The following ZBTB38 variants were observed in gnomAD, a reference collection of about 807,000 sequenced individuals.
ZBTB38 encodes the protein zinc finger and BTB domain-containing protein 38.
Under a neutral mutation model 76.8 loss-of-function variants are expected in ZBTB38, and 20 were observed. The ratio of observed to expected loss-of-function variants is 0.26; its 90% confidence interval spans 0.18 to 0.38. The LOEUF (loss-of-function observed/expected upper bound fraction) is 0.38. ZBTB38 is among the 10% of genes least tolerant of loss of function. ZBTB38 has a pLI of 1.00. For missense variants in ZBTB38, 1,082 were observed against 1,482.3 expected, an observed-to-expected ratio of 0.73 and a Z score of 4.43; for synonymous variants, 504 against 544.2, an observed-to-expected ratio of 0.93 and a Z score of 1.03.
intron 1 of ZBTB38, among the ~76,000 whole-genome samples, chr3:141,339,200 A>AG (rs1943101805): frequency 6.6e-6 from 1 of 152,184 alleles, no homozygotes; most frequent in African/African-American, 2.4e-5. Flanking sequence ...AAGGCTGACA[A>AG]GGTCATATTG....
intron 5 of ZBTB38, among the ~76,000 whole-genome samples, chr3:141,435,308 G>A (rs1387957433): frequency 6.6e-6 from 1 of 152,038 alleles, no homozygotes; most frequent in Non-Finnish European, 1.5e-5. Context: ...TCTCTCTCAA[G>A]TGTCCTGTTT....
chr3:141,433,382 AC>A (rs1409684084), intron 5 of ZBTB38, among the ~76,000 whole-genome samples: 1 of 149,214 alleles, frequency 6.7e-6, no homozygotes, highest in Non-Finnish European at 1.5e-5. Context: ...TGGTCCCTAG[AC>A]TCCCTTACAC....
intron 2 of ZBTB38, among the ~76,000 whole-genome samples, chr3:141,379,851 A>G (rs1242237425): frequency 6.6e-6 from 1 of 152,248 alleles, no homozygotes; most frequent in Non-Finnish European, 1.5e-5. Context: ...GTTTCAGGTG[A>G]TATTTTGGCC....
At chr3:141,377,647 T>C (rs894281683) in intron 2 of ZBTB38, among the ~76,000 whole-genome samples, 3 of 152,276 alleles carry the variant, frequency 2.0e-5, no homozygotes, top group Non-Finnish European at 4.4e-5. Flanking sequence ...GCAATAAACT[T>C]TACATGAACA....
chr3:141,388,679 CT>C (rs1947881575), intron 4 of ZBTB38: 1 of 152,126 alleles, frequency 6.6e-6, no homozygotes, highest in Non-Finnish European at 1.5e-5. Context: ...AAAAGAATGT[CT>C]TTAAAAAGGA....
intron 4 of ZBTB38, among the ~76,000 whole-genome samples, chr3:141,398,386 A>G (rs968801337): frequency 3.9e-5 from 6 of 152,084 alleles, no homozygotes; most frequent in African/African-American, 1.4e-4. Flanking sequence ...TGGAGTGTTG[A>G]ACATTTTGGC....
At chr3:141,411,450 A>G (rs369507240) in intron 5 of ZBTB38, among the ~76,000 whole-genome samples, 41 of 152,322 alleles carry the variant, frequency 2.7e-4, no homozygotes, top group African/African-American at 9.6e-4. Flanking sequence ...GAAGAGATTT[A>G]CAGTGGTTAC....
intron 2 of ZBTB38, among the ~76,000 whole-genome samples, chr3:141,379,144 G>A (rs193295734): frequency 1.5e-4 from 23 of 152,182 alleles, no homozygotes; most frequent in Admixed American, 3.3e-4. Context: ...AAGCATTTAC[G>A]TCCCTGTCAA....
At chr3:141,420,357 G>T (rs1189795236) in intron 5 of ZBTB38, among the ~76,000 whole-genome samples, 1 of 152,190 alleles carries the variant, frequency 6.6e-6, no homozygotes, top group Non-Finnish European at 1.5e-5. Flanking sequence ...CCAAAGACCA[G>T]CCCAGAGACC....
At chr3:141,430,392 C>CT (rs571953611) in intron 5 of ZBTB38, among the ~76,000 whole-genome samples, 141 of 152,252 alleles carry the variant, frequency 9.3e-4, no homozygotes, top group African/African-American at 3.3e-3. Flanking sequence ...AAAGATCACC[C>CT]TACATACTGG....
chr3:141,389,479 G>A (rs1484384562), intron 4 of ZBTB38: 2 of 146,184 alleles, frequency 1.4e-5, no homozygotes, highest in African/African-American at 5.1e-5. Context: ...GCTGTTGGGA[G>A]CCATTTTCCT....
chr3:141,370,271 G>A (rs141778880), intron 2 of ZBTB38, among the ~76,000 whole-genome samples: 81 of 152,332 alleles, frequency 5.3e-4, no homozygotes, highest in African/African-American at 1.9e-3. Flanking sequence ...TCGCCTAGGG[G>A]TGTCTCCACT....
At chr3:141,389,795 T>C (rs1363550566) in intron 4 of ZBTB38, 2 of 152,224 alleles carry the variant, frequency 1.3e-5, no homozygotes, top group Non-Finnish European at 2.9e-5. Context: ...CAAGATTAGA[T>C]GGATGCAATG....
intron 2 of ZBTB38, among the ~76,000 whole-genome samples, chr3:141,378,497 G>T (rs1945724019): frequency 6.6e-6 from 1 of 152,260 alleles, no homozygotes; most frequent in Admixed American, 6.5e-5. Context: ...AACACTGGGG[G>T]AAGGTGGAGA....
chr3:141,375,424 C>T (rs1945231053), intron 2 of ZBTB38, among the ~76,000 whole-genome samples: 1 of 152,204 alleles, frequency 6.6e-6, no homozygotes, highest in African/African-American at 2.4e-5. Flanking sequence ...GAGCTCTTAC[C>T]TGCCCTCAGA....
chr3:141,341,108 A>G (rs998066886), intron 1 of ZBTB38, among the ~76,000 whole-genome samples: 2 of 152,152 alleles, frequency 1.3e-5, no homozygotes, highest in African/African-American at 4.8e-5. Flanking sequence ...GTAAGATACC[A>G]CTTCACATCC....
In ZBTB38 at chr3:141,448,553, G is replaced by A. The variant is rs568409039; in HGVS notation, c.*2577G>A. On this transcript the variant is annotated 3_prime_UTR_variant, in exon 6 of 6. Transcript: ENST00000321464. ...AGTGAACATACTGTATGCTGTACAA[G>A]ATATAATGTAACTTGCTGTTTTAGC... The A allele has an allele frequency of 2.4e-4, 36 of 152,592 alleles. No homozygotes were observed. Among genetic ancestry groups the A allele is most frequent in the Admixed American group, 1.8e-3 (28 of 15,306 alleles). 9.5% of individuals were successfully genotyped at this position (152,592 alleles called of 1,614,324 possible). A position where few individuals can be genotyped will look rare whatever the true frequency, so the allele number is the denominator to read the frequency against.
intron 4 of ZBTB38, among the ~76,000 whole-genome samples, chr3:141,391,110 GA>G (rs1365299292): frequency 6.6e-6 from 1 of 151,936 alleles, no homozygotes; most frequent in African/African-American, 2.4e-5. Flanking sequence ...CAGTGAGCTA[GA>G]ATCATACTAC....
chr3:141,337,817 G>A (rs77575849), intron 1 of ZBTB38, among the ~76,000 whole-genome samples: 6,787 of 152,244 alleles, frequency 0.045, 210 homozygotes, highest in Non-Finnish European at 0.069. Flanking sequence ...GCTCATTTTT[G>A]CAGGGAAGAA....
Sources: gnomAD v4.1 joint callset for allele counts (sites outside exome capture counted in the v4.1 genomes callset) on GRCh38, gnomAD v4.1.1 for gene constraint, MANE v1.5 for transcripts, NCBI Gene and HGNC (gene_info 2026-07-23, HGNC 2026-07-21) for gene names.